FRY: variants seen among roughly 807,000 people sequenced by gnomAD.
FRY encodes the protein protein furry homolog.
A neutral mutation model predicts 348.4 loss-of-function variants in FRY; 128 were observed. The ratio of observed to expected loss-of-function variants is 0.37; its 90% confidence interval spans 0.32 to 0.43. The LOEUF (loss-of-function observed/expected upper bound fraction) is 0.43, where lower values mean the gene tolerates loss of function less well. FRY is among the 20% of genes least tolerant of loss of function. The probability of loss-of-function intolerance (pLI) is 1.00; values close to 1 mark genes in which losing one functional copy is unlikely to be tolerated. For synonymous variants in FRY, 1,370 were observed against 1,374.7 expected (o/e 1.00, Z 0.08); for missense variants, 2,736 against 3,695.2 (o/e 0.74, Z 6.73).
At chr13:32,159,245 A>G (rs1184769188) in intron 16 of FRY, among the ~76,000 whole-genome samples, 1 of 152,078 alleles carries the variant, frequency 6.6e-6, no homozygotes, top group African/African-American at 2.4e-5. Context: ...TCTTAAAAAA[A>G]AAAAATAAGG....
chr13:32,164,841 G>C (rs1881644784), intron 17 of FRY, among the ~76,000 whole-genome samples: 1 of 152,154 alleles, frequency 6.6e-6, no homozygotes, highest in South Asian at 2.1e-4. Flanking sequence ...GATAGTTCCT[G>C]CTCTGTCATT....
chr13:32,240,005 G>A (rs1300595234), intron 46 of FRY, 124 bp downstream of exon 46: 3 of 741,104 alleles, frequency 4.0e-6, no homozygotes, highest in Non-Finnish European at 6.7e-6. Flanking sequence ...ACAGGCGTGG[G>A]CCACCATTCC....
At chr13:32,172,197 G>C (rs565871512) in intron 18 of FRY, among the ~76,000 whole-genome samples, 1 of 152,102 alleles carries the variant, frequency 6.6e-6, no homozygotes, top group Non-Finnish European at 1.5e-5. Flanking sequence ...TGTGGATGTA[G>C]ATATGGATTT....
At chr13:32,271,042 C>T (rs1400465801) in intron 55 of FRY, among the ~76,000 whole-genome samples, 2 of 152,218 alleles carry the variant, frequency 1.3e-5, no homozygotes, top group African/African-American at 4.8e-5. Context: ...CCTCTCCCAC[C>T]TACCCAGATA....
Position 32,171,193 on chromosome 13 carries a change from C to G in FRY, c.2074C>G (p.Leu692Val). The change falls in exon 18 of 61, where the codon CTG becomes GTG. Residue 692 changes from leucine to valine, a missense_variant. Leu to Val is a conservative substitution (Grantham distance 32). Around this residue, in one of 9 missense-constraint regions of FRY, gnomAD observed 449 missense variants for 576.9 expected, o/e 0.78. Transcript: ENST00000542859. Reference sequence around the variant, plus strand: ...TTCGTCCCTGAAGTTGCTGCTGCAGCTGCTCACCCAGTGGAAACTAGTCAT... The same window carrying G: ...TTCGTCCCTGAAGTTGCTGCTGCAGGTGCTCACCCAGTGGAAACTAGTCAT... Reference protein sequence around the residue: ...LDSSLKLLLQLLTQWKLVIQT... With the variant: ...LDSSLKLLLQVLTQWKLVIQT... The G allele has an allele frequency of 6.2e-7, 1 of 1,613,228 alleles. No homozygotes were observed. The highest frequency in any genetic ancestry group is 8.5e-7 in the Non-Finnish European group (1 of 1,179,312).
rs1300835469 is a variant in FRY at position 32,194,129 on chromosome 13, C to T, written c.3592-14C>T. ...ATCAAATGGGAATAATATTGATTTG[C>T]TCCATGTATTCAGGTTCATCAACTT... On this transcript the variant is annotated splice_polypyrimidine_tract_variant and intron_variant, in intron 28 of 60. Transcript: ENST00000542859. 1 of 1,608,792 alleles carries T rather than the reference C, an allele frequency of 6.2e-7. No individual in the cohort carries two copies. Among genetic ancestry groups the T allele is most frequent in the Non-Finnish European group, 8.5e-7 (1 of 1,175,128 alleles).
At chr13:32,181,251 G>A (rs1882689326) in intron 23 of FRY, among the ~76,000 whole-genome samples, 1 of 152,044 alleles carries the variant, frequency 6.6e-6, no homozygotes, top group Admixed American at 6.6e-5. Context: ...CAGTTAACCA[G>A]AGTTTTACTA....
At chr13:32,200,832 G>A (rs1292253398) in intron 29 of FRY, among the ~76,000 whole-genome samples, 1 of 152,148 alleles carries the variant, frequency 6.6e-6, no homozygotes, top group African/African-American at 2.4e-5. Flanking sequence ...AAATCCTGAT[G>A]ATTTTATCTC....
chr13:32,139,030 C>T (rs1282839345), intron 11 of FRY, among the ~76,000 whole-genome samples: 3 of 152,080 alleles, frequency 2.0e-5, no homozygotes, highest in Non-Finnish European at 4.4e-5. Context: ...TTTGAATTCA[C>T]TACGTCAAGG....
chr13:32,292,376 T>G (rs575235816), intron 59 of FRY, among the ~76,000 whole-genome samples: 50 of 152,306 alleles, frequency 3.3e-4, no homozygotes, highest in African/African-American at 1.2e-3. Context: ...TTACATAAAC[T>G]TAGTTTATAG....
intron 3 of FRY, among the ~76,000 whole-genome samples, chr13:32,113,763 C>A (rs1361921629): frequency 6.6e-6 from 1 of 152,222 alleles, no homozygotes; most frequent in Non-Finnish European, 1.5e-5. Flanking sequence ...GCCAGCTAGA[C>A]CTTCCTCCCT....
At chr13:32,294,302 T>G (rs1455926397) in intron 59 of FRY, 66 bp from the exon 60 acceptor site, 2 of 1,102,200 alleles carry the variant, frequency 1.8e-6, no homozygotes, top group South Asian at 1.3e-5. Flanking sequence ...CCTTTTTTTT[T>G]CCTTTTGGGA....
chr13:32,147,853 T>C lies in FRY; in HGVS notation c.1298T>C (p.Ile433Thr). The C allele has an allele frequency of 1.9e-6, 3 of 1,601,236 alleles. No individual in the cohort carries two copies. The highest frequency in any genetic ancestry group is 2.6e-6 in the Non-Finnish European group (3 of 1,168,240). Residue 433 changes from isoleucine (I) to threonine (T), a missense_variant, in exon 13 of 61, where the codon ATC becomes ACC. By Grantham distance (89) the Ile-to-Thr change is moderately conservative (BLOSUM62 -1). Coordinates refer to ENST00000542859, the MANE Select transcript of FRY (RefSeq NM_023037.3). ...NTATQSRLIT[I>T]ITTLFPKGSR... Reference sequence around the variant, plus strand: ...TTATCTTTCAGCCGACTTATAACCATCATCACAACACTTTTCCCCAAAGGG... The same window carrying C: ...TTATCTTTCAGCCGACTTATAACCACCATCACAACACTTTTCCCCAAAGGG...
chr13:32,042,008 A>G (rs1872770123), intron 1 of FRY, among the ~76,000 whole-genome samples: 1 of 152,236 alleles, frequency 6.6e-6, no homozygotes. Flanking sequence ...ATTCTAGCAC[A>G]TTTTAAATAT....
chr13:32,177,649 A>G (rs1882450062), intron 20 of FRY, among the ~76,000 whole-genome samples: 1 of 151,972 alleles, frequency 6.6e-6, no homozygotes, highest in African/African-American at 2.4e-5. Flanking sequence ...TATCTCAAAA[A>G]CTGTCAGTAG....
chr13:32,235,443 G>C (rs1886169983), intron 42 of FRY, among the ~76,000 whole-genome samples: 1 of 152,194 alleles, frequency 6.6e-6, no homozygotes, highest in Non-Finnish European at 1.5e-5. Context: ...GGCCAACACG[G>C]TGAAACCCCT....
chr13:32,134,934 G>T lies in FRY; in HGVS notation c.916G>T (p.Asp306Tyr). The change falls in exon 9 of 61, where the codon GAC becomes TAC. Residue 306 changes from aspartate to tyrosine, a missense_variant. By Grantham distance (160) the Asp-to-Tyr change is radical. This residue lies in a region of FRY where 309 missense variants were observed against 418.1 expected (regional missense o/e 0.74). Transcript: ENST00000542859. The stretch of plus-strand genomic sequence containing the variant: ...TGCACATTACTTCCTCGAGGTCAAA[G>T]ACAAAGATATCAAGCATGCCTTGGC... ...ECAHYFLEVK[D>Y]KDIKHALAGL... 2 of 1,612,804 alleles carry T rather than the reference G, an allele frequency of 1.2e-6. No individual in the cohort carries two copies. The highest frequency in any genetic ancestry group is 1.7e-6 in the Non-Finnish European group (2 of 1,178,842).
rs547292106 is a variant in FRY at position 32,043,730 on chromosome 13, G to GC, written c.70+11870dup. Among the ~76,000 whole-genome samples, 33 of 152,196 alleles carry GC rather than the reference G, an allele frequency of 2.2e-4. No homozygotes were observed. The East Asian group carries it at 6.2e-3, about 28-fold the overall frequency. ...AAGCAGCGGCAAAGTCTTGAAAGTA[G>GC]CCCCCACCAAAAAATTCTGTATTGC... is the stretch of plus-strand genomic sequence containing the variant. On this transcript the variant is annotated intron_variant, in intron 1 of 60. Coordinates refer to ENST00000542859, the MANE Select transcript of FRY (RefSeq NM_023037.3).
chr13:32,282,048 A>G (rs1262315058), intron 58 of FRY, among the ~76,000 whole-genome samples: 1 of 152,200 alleles, frequency 6.6e-6, no homozygotes, highest in Non-Finnish European at 1.5e-5. Flanking sequence ...GAGTCCTTAC[A>G]CACAAAAGGT....
Sources: allele counts gnomAD v4.1 joint callset (sites outside exome capture counted in the v4.1 genomes callset), GRCh38; gene constraint gnomAD v4.1.1; regional missense constraint gnomAD v4.1.1; transcripts MANE v1.5; gene names NCBI Gene and HGNC (gene_info 2026-07-23, HGNC 2026-07-21).